Variants in FAM135B observed in about 807,000 individuals in gnomAD.
The protein encoded by FAM135B is family with sequence similarity 135 member B.
Under a neutral mutation model 127.7 loss-of-function variants are expected in FAM135B, and 43 were observed. The ratio of observed to expected loss-of-function variants is 0.34; its 90% CI spans 0.26 to 0.43. The LOEUF is 0.43. Among genes scored for constraint, FAM135B ranks in the 20% least tolerant of loss-of-function variants. The probability of loss-of-function intolerance (pLI) is 1.00; values close to 1 mark genes in which losing one functional copy is unlikely to be tolerated. For synonymous variants in FAM135B, 670 were observed against 665.1 expected (o/e 1.01, Z -0.11); for missense variants, 1,558 against 1,725.6 (o/e 0.90, Z 1.72).
intron 1 of FAM135B, among the ~76,000 whole-genome samples, chr8:138,485,289 C>T (rs1462681615): frequency 6.6e-6 from 1 of 152,126 alleles, no homozygotes; most frequent in African/African-American, 2.4e-5. Context: ...AAGGCATAAC[C>T]ATTTCCAAAG....
At chr8:138,394,316 T>C (rs1374371617) in intron 1 of FAM135B, among the ~76,000 whole-genome samples, 2 of 152,182 alleles carry the variant, frequency 1.3e-5, no homozygotes, top group African/African-American at 2.4e-5. Flanking sequence ...CAAGTTTACA[T>C]GTGGCAGGCA....
At chr8:138,181,022 C>T (rs891409909) in intron 9 of FAM135B, among the ~76,000 whole-genome samples, 14 of 151,702 alleles carry the variant, frequency 9.2e-5, no homozygotes, top group South Asian at 2.1e-4. Flanking sequence ...AGGCGGATCA[C>T]GAGGTCAAGA....
rs1300798670 is a variant in FAM135B, at chr8:138,241,401, C to T, written c.669+1541G>A. 2.0e-5 allele frequency among the ~76,000 whole-genome samples: 3 copies of T among 152,286 alleles called. No homozygotes were observed. Among genetic ancestry groups the T allele is most frequent in the Middle Eastern group, 3.4e-3 (1 of 294 alleles). On this transcript the variant is annotated intron_variant, in intron 7 of 19. Transcript: ENST00000395297. This position sits in a 1 kb window ranked among gnomAD's most constrained non-coding sequence, Gnocchi z 4.8. ...CTGCTCCTTCCATGGCACAGAACCC[C>T]ATTCTGGCTTCAGGTCCCCTCAGCA...
chr8:138,333,128 G>A (rs1828308956), intron 2 of FAM135B, among the ~76,000 whole-genome samples: 1 of 152,128 alleles, frequency 6.6e-6, no homozygotes, highest in African/African-American at 2.4e-5. Flanking sequence ...AGAGATAAAG[G>A]AACATCCAGT....
At chr8:138,217,597 AT>A (rs1173622483) in intron 7 of FAM135B, among the ~76,000 whole-genome samples, 1 of 151,610 alleles carries the variant, frequency 6.6e-6, no homozygotes, top group Non-Finnish European at 1.5e-5. Flanking sequence ...CACCCAGCTA[AT>A]TTTTTTGTAT....
intron 3 of FAM135B, among the ~76,000 whole-genome samples, chr8:138,283,408 A>G (rs1239631192): frequency 7.3e-6 from 1 of 137,068 alleles, no homozygotes. Context: ...AAAAGACAAA[A>G]CTATGGATAC....
intron 2 of FAM135B, 119 bp downstream of exon 2, chr8:138,367,788 T>C: frequency 1.3e-6 from 1 of 753,172 alleles, no homozygotes; most frequent in African/African-American, 1.8e-5. Context: ...TGAAAATCTT[T>C]TCTTCGTTAG....
chr8:138,299,888 A>G (rs1219774270), intron 3 of FAM135B, among the ~76,000 whole-genome samples: 1 of 152,182 alleles, frequency 6.6e-6, no homozygotes, highest in Non-Finnish European at 1.5e-5. Context: ...ATTTGTGGGA[A>G]ATTTTAATAT....
At chr8:138,133,959 G>A (rs573368710) in intron 19 of FAM135B, among the ~76,000 whole-genome samples, 2 of 152,262 alleles carry the variant, frequency 1.3e-5, no homozygotes, top group South Asian at 4.1e-4. Flanking sequence ...TAGGGATTTC[G>A]TTGTAGCCAT....
chr8:138,368,534 C>G (rs1830911665), intron 1 of FAM135B, among the ~76,000 whole-genome samples: 1 of 152,134 alleles, frequency 6.6e-6, no homozygotes, highest in Non-Finnish European at 1.5e-5. Flanking sequence ...TAAGTTTTTG[C>G]TACCATTGTT....
At chr8:138,145,362 G>A (rs143595861) in intron 15 of FAM135B, among the ~76,000 whole-genome samples, 101 of 152,194 alleles carry the variant, frequency 6.6e-4, no homozygotes, top group African/African-American at 2.3e-3. Context: ...TTAAAGTTGG[G>A]TGCACACAGG....
At chr8:138,257,884 AT>A (rs764490234) in intron 4 of FAM135B, among the ~76,000 whole-genome samples, 4,498 of 64,464 alleles carry the variant, frequency 0.07, 72 homozygotes, top group South Asian at 0.095. Flanking sequence ...AAAATAAAAA[AT>A]AAAAAAAAAA....
chr8:138,488,140 C>A (rs1020961320), intron 1 of FAM135B, among the ~76,000 whole-genome samples: 4 of 152,130 alleles, frequency 2.6e-5, no homozygotes, highest in Non-Finnish European at 4.4e-5. Context: ...CACCTTCTGA[C>A]CCAGGAACTG....
At chr8:138,488,935 G>T (rs950974230) in intron 1 of FAM135B, among the ~76,000 whole-genome samples, 1 of 152,182 alleles carries the variant, frequency 6.6e-6, no homozygotes, top group African/African-American at 2.4e-5. Context: ...AAAGTACTGG[G>T]ATTACAGGCG....
chr8:138,211,496 T>G (rs1289486041), intron 7 of FAM135B, among the ~76,000 whole-genome samples: 1 of 152,218 alleles, frequency 6.6e-6, no homozygotes, highest in African/African-American at 2.4e-5. Context: ...CATGTTACAT[T>G]CAAATGTCAT....
intron 7 of FAM135B, among the ~76,000 whole-genome samples, chr8:138,199,716 G>A (rs1489183059): frequency 6.6e-6 from 1 of 152,176 alleles, no homozygotes; most frequent in African/African-American, 2.4e-5. Flanking sequence ...GGGGAAGCAG[G>A]CACATATTAC....
chr8:138,418,976 A>G (rs1329627477), intron 1 of FAM135B, among the ~76,000 whole-genome samples: 1 of 152,120 alleles, frequency 6.6e-6, no homozygotes, highest in Non-Finnish European at 1.5e-5. Context: ...CTAACATAAG[A>G]TAACAGAATT....
chr8:138,474,850 A>T (rs1052393582), intron 1 of FAM135B, among the ~76,000 whole-genome samples: 1 of 152,174 alleles, frequency 6.6e-6, no homozygotes, highest in Non-Finnish European at 1.5e-5. Context: ...CAGTGTGCTG[A>T]ACAGCAACCA....
At chr8:138,301,385 A>C (rs1825877366) in intron 3 of FAM135B, among the ~76,000 whole-genome samples, 1 of 152,108 alleles carries the variant, frequency 6.6e-6, no homozygotes, top group Non-Finnish European at 1.5e-5. Context: ...TTTTTCTTTA[A>C]GTAACGCTTT....
Sources: gnomAD v4.1 joint callset for allele counts (sites outside exome capture counted in the v4.1 genomes callset) on GRCh38, gnomAD v4.1.1 for gene constraint, Gnocchi (gnomAD v3.1) non-coding constraint, MANE v1.5 for transcripts, NCBI Gene and HGNC (gene_info 2026-07-23, HGNC 2026-07-21) for gene names.